Variants in INCA1 observed in about 807,000 individuals in gnomAD.
INCA1 encodes protein INCA1.
In INCA1, 28 loss-of-function variants were observed where a neutral mutation model predicts 25.7. The observed-to-expected ratio is 1.09, with a 90% CI of 0.81 to 1.49. The LOEUF is 1.49. Ranked by LOEUF, INCA1 falls within the 40% of genes most tolerant of loss-of-function variation. The pLI is 0.00. For synonymous variants in INCA1, 111 were observed against 103.6 expected (o/e 1.07, Z -0.43); for missense variants, 309 against 290.9 (o/e 1.06, Z -0.45).
chr17:4,997,522 G>A (rs1017319045), upstream of INCA1: 2 of 152,284 alleles, frequency 1.3e-5, no homozygotes, highest in African/African-American at 4.8e-5. Context: ...GCGAATTCTA[G>A]AACTCGGCGG....
chr17:4,994,773 G>C (rs1430056084), intron 1 of INCA1, among the ~76,000 whole-genome samples: 2 of 113,442 alleles, frequency 1.8e-5, no homozygotes, highest in African/African-American at 6.8e-5. Context: ...CTGGGGGACA[G>C]AGCAAGACTC....
At chr17:4,992,975 G>A (rs1401050857) in intron 2 of INCA1, among the ~76,000 whole-genome samples, 4 of 152,130 alleles carry the variant, frequency 2.6e-5, no homozygotes, top group African/African-American at 4.8e-5. Flanking sequence ...TGCCTCCCAT[G>A]TTCAAGTGAT....
At chr17:4,994,890 T>C (rs1349025561) in intron 1 of INCA1, among the ~76,000 whole-genome samples, 2 of 150,530 alleles carry the variant, frequency 1.3e-5, no homozygotes, top group African/African-American at 4.9e-5. Flanking sequence ...GTATGGATGC[T>C]GAAAAAAGAG....
At chr17:4,994,177 CT>C (rs1360021315) in intron 2 of INCA1, among the ~76,000 whole-genome samples, 1 of 152,220 alleles carries the variant, frequency 6.6e-6, no homozygotes, top group Non-Finnish European at 1.5e-5. Flanking sequence ...AGCAGGACCC[CT>C]ATCCTGCTAG....
intron 2 of INCA1, among the ~76,000 whole-genome samples, chr17:4,991,223 T>G (rs117677487): frequency 0.011 from 1,667 of 152,226 alleles, 19 homozygotes; most frequent in Middle Eastern, 0.02. Context: ...CGGCCTAATC[T>G]CAACGTTTTA....
rs141025335 is a variant in INCA1 at position 4,991,739 on chromosome 17, C to T, written c.45-1474G>A. On this transcript the variant is annotated intron_variant, in intron 2 of 6. Coordinates refer to ENST00000576820, the Ensembl canonical transcript of INCA1. ...ACTCAACATCTCCTCCCCAACCTTC[C>T]TCCTCTCAATGAAAAGCACTCAAAT... Among the ~76,000 whole-genome samples, 272 of 152,312 alleles carry T rather than the reference C, an allele frequency of 1.8e-3. 1 individual carries two copies. The highest frequency in any genetic ancestry group is 3.1e-3 in the South Asian group (15 of 4,822).
chr17:4,990,024 A>G, intron 3 of INCA1, 95 bp from the exon 4 acceptor site: 1 of 1,612,004 alleles, frequency 6.2e-7, no homozygotes, highest in Non-Finnish European at 8.5e-7. Flanking sequence ...TTCTGTCATT[A>G]GGAGCTACAA....
upstream of INCA1, among the ~76,000 whole-genome samples, chr17:4,997,332 G>T (rs973573488): frequency 5.9e-5 from 9 of 152,122 alleles, no homozygotes; most frequent in African/African-American, 2.2e-4. Flanking sequence ...GGGGCCTGAG[G>T]GACGCCCCGG....
At chr17:4,994,296 T>A (rs1567712613) in intron 2 of INCA1, 98 bp downstream of exon 2, 2 of 1,107,722 alleles carry the variant, frequency 1.8e-6, no homozygotes, top group African/African-American at 3.1e-5. Flanking sequence ...GCATTGCATT[T>A]CCCGTTCTTT....
chr17:4,989,947 G>A lies in INCA1; in HGVS notation c.159-18C>T. On this transcript the variant is annotated intron_variant, in intron 3 of 6. Transcript: ENST00000576820. The stretch of plus-strand genomic sequence containing the variant: ...AAGTGGGGCTGTGAAGAACAAAAAG[G>A]GGGCTATAAGTGCAGAGGGGACATG... 6.2e-7 allele frequency: 1 copy of A among 1,614,162 alleles called. No homozygotes were observed. The highest frequency in any genetic ancestry group is 8.5e-7 in the Non-Finnish European group (1 of 1,180,022).
At chr17:4,990,875 C>G (rs567887538) in intron 2 of INCA1, among the ~76,000 whole-genome samples, 1 of 149,802 alleles carries the variant, frequency 6.7e-6, no homozygotes, top group Non-Finnish European at 1.5e-5. Context: ...AAGAGAGAAA[C>G]TCCGTCTCAA....
chr17:4,990,155 G>T, exon 3 of INCA1: 1 of 1,614,158 alleles, frequency 6.2e-7, no homozygotes, highest in Non-Finnish European at 8.5e-7. Flanking sequence ...TACTCACGTG[G>T]GCCTTTGATT....
At chr17:4,992,451 C>A (rs1026113805) in intron 2 of INCA1, among the ~76,000 whole-genome samples, 2 of 151,792 alleles carry the variant, frequency 1.3e-5, no homozygotes, top group African/African-American at 4.8e-5. Flanking sequence ...CTGGCTAATT[C>A]TTTTAAATGT....
At chr17:4,994,196 A>C (rs1974069479) in intron 2 of INCA1, among the ~76,000 whole-genome samples, 198 bp downstream of exon 2, 1 of 152,232 alleles carries the variant, frequency 6.6e-6, no homozygotes, top group East Asian at 1.9e-4. Flanking sequence ...TAGTTGCTGA[A>C]TCCCCAGTGC....
chr17:4,990,981 C>T (rs1411436135), intron 2 of INCA1, among the ~76,000 whole-genome samples: 1 of 151,242 alleles, frequency 6.6e-6, no homozygotes, highest in East Asian at 2.0e-4. Flanking sequence ...TGCAATGGCA[C>T]GATCTCGGCT....
intron 2 of INCA1, among the ~76,000 whole-genome samples, chr17:4,993,243 G>C (rs181796797): frequency 2.0e-5 from 3 of 149,620 alleles, no homozygotes; most frequent in Admixed American, 1.3e-4. Flanking sequence ...GCAATGGCTC[G>C]GTCTCAGCTC....
rs35732129 is a variant in INCA1, at chr17:4,996,666, CAAAAAAAAAA to C, written c.-39+327_-39+336del. Reference sequence around the variant, plus strand: ...TGGGCAACAGAGCAAGACTCCGTCTCAAAAAAAAAAAAAAAAAAAAAAAAAGAATACTAGA... The same window carrying C: ...TGGGCAACAGAGCAAGACTCCGTCTCAAAAAAAAAAAAAAAGAATACTAGA... On this transcript the variant is annotated intron_variant, in intron 1 of 6. Coordinates refer to ENST00000576820, the Ensembl canonical transcript of INCA1. Among the ~76,000 whole-genome samples, 39 of 51,776 alleles carry C rather than the reference CAAAAAAAAAA, an allele frequency of 7.5e-4. 1 individual carries two copies. The highest frequency in any genetic ancestry group is 3.1e-4 in the Admixed American group (1 of 3,230). The allele number at this position is 51,776 out of a possible 152,430, so 34.0% of individuals were successfully genotyped here. A position where few individuals can be genotyped will look rare whatever the true frequency, so the allele number is the denominator to read the frequency against.
At chr17:4,992,110 T>C (rs1254899213) in intron 2 of INCA1, among the ~76,000 whole-genome samples, 1 of 152,162 alleles carries the variant, frequency 6.6e-6, no homozygotes, top group African/African-American at 2.4e-5. Flanking sequence ...GAAAAGATTA[T>C]CCATACAATG....
exon 3 of INCA1, chr17:4,990,232 T>A (rs1340572787): frequency 1.2e-6 from 2 of 1,613,840 alleles, no homozygotes; most frequent in African/African-American, 2.7e-5. Flanking sequence ...AAGGCAACCT[T>A]GGGGGTGGAG....
Sources: gnomAD v4.1 joint callset for allele counts (sites outside exome capture counted in the v4.1 genomes callset) on GRCh38, gnomAD v4.1.1 for gene constraint, MANE v1.5 for transcripts, NCBI Gene and HGNC (gene_info 2026-07-23, HGNC 2026-07-21) for gene names.